The following OPCML variants were observed in gnomAD, a reference collection of about 807,000 sequenced individuals.
The protein encoded by OPCML is opioid binding protein/cell adhesion molecule like, also known as opioid-binding protein/cell adhesion molecule.
In OPCML, 13 loss-of-function variants were observed where a neutral mutation model predicts 37.8. The ratio of observed to expected loss-of-function variants is 0.34; its 90% CI spans 0.22 to 0.55. OPCML has a LOEUF of 0.55. Ranked by LOEUF, OPCML falls within the 20% of genes least tolerant of loss-of-function variation. OPCML has a pLI of 0.91. For synonymous variants in OPCML, 176 were observed against 168.8 expected (o/e 1.04, Z -0.33); for missense variants, 341 against 435.6 (o/e 0.78, Z 1.93).
At chr11:132,577,000 C>T (rs1292150951) in intron 3 of OPCML, among the ~76,000 whole-genome samples, 1 of 152,182 alleles carries the variant, frequency 6.6e-6, no homozygotes, top group Non-Finnish European at 1.5e-5. Context: ...ATGCTGGATG[C>T]ACAAACCATC....
intron 3 of OPCML, among the ~76,000 whole-genome samples, chr11:132,570,968 C>T (rs1301659407): frequency 6.6e-6 from 1 of 151,062 alleles, no homozygotes; most frequent in Non-Finnish European, 1.5e-5. Context: ...GAGGGTGTTG[C>T]CAGGGGAGAC....
intron 1 of OPCML, among the ~76,000 whole-genome samples, chr11:133,142,155 A>C (rs902886029): frequency 6.6e-6 from 1 of 152,156 alleles, no homozygotes; most frequent in Non-Finnish European, 1.5e-5. Flanking sequence ...ATTTCAATCC[A>C]CCATGTCTTC....
In OPCML at chr11:133,433,251, C is replaced by CAAAAAAAAAAAAAAAAAAA. The variant is rs71477795; in HGVS notation, c.61+98994_61+99012dup. 2.6e-3 allele frequency among the ~76,000 whole-genome samples: 235 copies of CAAAAAAAAAAAAAAAAAAA among 90,590 alleles called. 13 individuals carry two copies. Among genetic ancestry groups the CAAAAAAAAAAAAAAAAAAA allele is most frequent in the African/African-American group, 1.0e-2 (217 of 21,710 alleles). The allele number at this position is 90,590 out of a possible 152,430, so 59.4% of individuals were successfully genotyped here. On this transcript the variant is annotated intron_variant, in intron 1 of 7. Coordinates refer to ENST00000524381, the MANE Select transcript of OPCML (RefSeq NM_001012393.5). ...TGGGCGACAGAGCGAGACTCCGTCT[C>CAAAAAAAAAAAAAAAAAAA]AAAAAAAAAAAAAAAAAAATATTAC...
chr11:132,505,346 G>C (rs767760273), intron 4 of OPCML, among the ~76,000 whole-genome samples: 9 of 152,162 alleles, frequency 5.9e-5, no homozygotes, highest in Non-Finnish European at 1.2e-4. Context: ...CTCAATTCAT[G>C]TGATCGAGCC....
intron 1 of OPCML, among the ~76,000 whole-genome samples, chr11:133,489,304 T>G (rs1232703198): frequency 2.7e-5 from 4 of 150,492 alleles, no homozygotes; most frequent in Admixed American, 2.0e-4. Context: ...AAAGAACGGT[T>G]TAAAAAAAAA....
intron 2 of OPCML, among the ~76,000 whole-genome samples, chr11:132,723,022 A>G (rs1355199262): frequency 6.6e-6 from 1 of 152,220 alleles, no homozygotes; most frequent in Admixed American, 6.5e-5. Context: ...GCCTCTGCTC[A>G]GACACAGAAA....
intron 4 of OPCML, among the ~76,000 whole-genome samples, chr11:132,449,070 G>A (rs1217478291): frequency 6.6e-6 from 1 of 152,198 alleles, no homozygotes; most frequent in African/African-American, 2.4e-5. Flanking sequence ...CCACAAAGGA[G>A]CATAAGGTCC....
At chr11:132,457,311 C>T (rs534996781) in intron 4 of OPCML, among the ~76,000 whole-genome samples, 73 of 152,260 alleles carry the variant, frequency 4.8e-4, no homozygotes, top group African/African-American at 1.2e-3. Flanking sequence ...GGTAATAAGA[C>T]CAATAACACA....
At chr11:132,783,436 A>T (rs1947100718) in intron 2 of OPCML, among the ~76,000 whole-genome samples, 1 of 152,172 alleles carries the variant, frequency 6.6e-6, no homozygotes, top group African/African-American at 2.4e-5. Flanking sequence ...GACACATCAT[A>T]ACAATTTCAC....
At chr11:132,498,872 T>C (rs1455078961) in intron 4 of OPCML, among the ~76,000 whole-genome samples, 1 of 152,154 alleles carries the variant, frequency 6.6e-6, no homozygotes, top group Non-Finnish European at 1.5e-5. Flanking sequence ...TGAACATTTA[T>C]ATTTTGCAAA....
chr11:133,338,681 C>T (rs576172029), intron 1 of OPCML, among the ~76,000 whole-genome samples: 1 of 152,288 alleles, frequency 6.6e-6, no homozygotes, highest in Admixed American at 6.5e-5. Context: ...AAAGGTGCCT[C>T]ATTCTAGCCT....
At chr11:132,432,134 T>C (rs2095999164) in intron 7 of OPCML, among the ~76,000 whole-genome samples, 1 of 152,338 alleles carries the variant, frequency 6.6e-6, no homozygotes, top group Admixed American at 6.5e-5. Context: ...CAAGCACTGA[T>C]AAGCCAGGGT....
At chr11:133,117,652 AT>A in intron 1 of OPCML, 1 of 335,368 alleles carries the variant, frequency 3.0e-6, no homozygotes, top group Non-Finnish European at 4.2e-6. Flanking sequence ...CACATTCGAG[AT>A]AATTTCACTT....
intron 2 of OPCML, among the ~76,000 whole-genome samples, chr11:132,687,253 G>A (rs780812698): frequency 1.0e-4 from 15 of 150,622 alleles, no homozygotes; most frequent in Admixed American, 2.0e-4. Flanking sequence ...CAGTTTTGCC[G>A]TATTATGTTG....
At chr11:133,497,420 C>G (rs182576554) in intron 1 of OPCML, among the ~76,000 whole-genome samples, 7 of 152,182 alleles carry the variant, frequency 4.6e-5, no homozygotes, top group Admixed American at 2.0e-4. Context: ...TCACTTCTTG[C>G]TTCATTTTTT....
At chr11:132,556,432 C>A (rs927633184) in intron 3 of OPCML, among the ~76,000 whole-genome samples, 2 of 152,120 alleles carry the variant, frequency 1.3e-5, no homozygotes, top group African/African-American at 4.8e-5. Context: ...TTTAGAGCTA[C>A]AAGAGACGTT....
chr11:132,762,883 G>A (rs1371727242), intron 2 of OPCML, among the ~76,000 whole-genome samples: 1 of 152,100 alleles, frequency 6.6e-6, no homozygotes, highest in African/African-American at 2.4e-5. Context: ...CCTGCAGCTA[G>A]CTCGGTGCCT....
chr11:132,518,562 G>A (rs1206299476), intron 4 of OPCML, among the ~76,000 whole-genome samples: 1 of 152,118 alleles, frequency 6.6e-6, no homozygotes. Context: ...TGCCTTGAAG[G>A]CTTCTACTCA....
At chr11:132,630,806 T>C (rs1043734199) in intron 3 of OPCML, among the ~76,000 whole-genome samples, 21 of 152,112 alleles carry the variant, frequency 1.4e-4, no homozygotes, top group Admixed American at 1.2e-3. Flanking sequence ...CACAAAAAGA[T>C]TGGCACAACA....
Sources: allele counts gnomAD v4.1 joint callset (sites outside exome capture counted in the v4.1 genomes callset), GRCh38; gene constraint gnomAD v4.1.1; transcripts MANE v1.5; gene names NCBI Gene and HGNC (gene_info 2026-07-23, HGNC 2026-07-21).